ATG2B: variants seen among roughly 807,000 people sequenced by gnomAD.
ATG2B encodes autophagy related 2B, also known as autophagy-related protein 2 homolog B.
ATG2B carries 121 observed loss-of-function variants against 241.3 expected under a neutral mutation model. That is an observed-to-expected ratio of 0.50 (90% CI 0.43 to 0.58). The LOEUF is 0.58. ATG2B is among the 20% of genes least tolerant of loss of function. The pLI, the probability that ATG2B is intolerant of heterozygous loss-of-function variation, is 0.00. For missense variants in ATG2B, 2,306 were observed against 2,491.6 expected (o/e 0.93, Z 1.59); for synonymous variants, 858 against 876.6 (o/e 0.98, Z 0.37).
At chr14:96,306,177 GT>G (rs1595300736) in intron 30 of ATG2B, among the ~76,000 whole-genome samples, 3 of 152,230 alleles carry the variant, frequency 2.0e-5, no homozygotes, top group African/African-American at 4.8e-5. Context: ...ATATTACCAT[GT>G]TTTTAATAAT....
intron 36 of ATG2B, chr14:96,293,340 C>T (rs149103595): frequency 1.9e-4 from 26 of 136,044 alleles, no homozygotes; most frequent in African/African-American, 7.4e-4. Flanking sequence ...CAATACTCTC[C>T]TTTCTCACTT....
At chr14:96,323,401 C>T (rs1390490494) in intron 16 of ATG2B, among the ~76,000 whole-genome samples, 1 of 152,156 alleles carries the variant, frequency 6.6e-6, no homozygotes, top group Non-Finnish European at 1.5e-5. Flanking sequence ...TTACCACATC[C>T]ACCCATTGTT....
At chr14:96,295,605 C>G in intron 34 of ATG2B, 45 bp from the exon 35 acceptor site, 1 of 1,301,344 alleles carries the variant, frequency 7.7e-7, no homozygotes, top group East Asian at 2.3e-5. Flanking sequence ...AAAAGAATCA[C>G]CTATTTCTAA....
chr14:96,309,563 C>T lies in ATG2B; in HGVS notation c.4193G>A (p.Gly1398Asp). Reference sequence around the variant, plus strand: ...TTGATCTGCTTCAGGAAGTACTGGACCACGTGAGGATGATCGACCACTGGA... The same window carrying T: ...TTGATCTGCTTCAGGAAGTACTGGATCACGTGAGGATGATCGACCACTGGA... ...VDSSGRSSSR[G>D]PVLPEADQQM... The change falls in exon 29 of 42, where the codon GGT (glycine) becomes GAT (aspartate). Residue 1398 changes from glycine (G) to aspartate (D), a missense_variant. Transcript: ENST00000359933. 1 of 1,613,806 alleles carries T rather than the reference C, an allele frequency of 6.2e-7. No homozygotes were observed.
At chr14:96,349,623 AAAAG>A (rs564814137) in intron 1 of ATG2B, among the ~76,000 whole-genome samples, 420 of 152,344 alleles carry the variant, frequency 2.8e-3, no homozygotes, top group Middle Eastern at 0.017. Flanking sequence ...CATGAGGGGT[AAAAG>A]AAAGAAAGAA....
intron 11 of ATG2B, among the ~76,000 whole-genome samples, chr14:96,331,037 G>A (rs1213987766): frequency 1.3e-5 from 2 of 152,186 alleles, no homozygotes; most frequent in Non-Finnish European, 2.9e-5. Flanking sequence ...GTGACAATAA[G>A]AACTGTTTTC....
intron 38 of ATG2B, 118 bp from the exon 39 acceptor site, chr14:96,291,053 G>A: frequency 2.7e-5 from 22 of 817,298 alleles, no homozygotes; most frequent in South Asian, 9.1e-5. Flanking sequence ...AAATATTACA[G>A]GTGCTTCAAA....
rs143754335 is a variant in ATG2B, at chr14:96,357,330, T to A, written c.162+5485A>T. Among the ~76,000 whole-genome samples the A allele has an allele frequency of 5.2e-4, 79 of 152,334 alleles. 1 individual carries two copies. Among genetic ancestry groups the A allele is most frequent in the Middle Eastern group, 3.4e-3 (1 of 294 alleles). ...GCCTTTTTTGTTTCTCAAGCTGATC[T>A]ACTTACTACCCACGCACTTTGTGCA... On this transcript the variant is annotated intron_variant, in intron 1 of 41. Coordinates refer to ENST00000359933, the MANE Select transcript of ATG2B (RefSeq NM_018036.7).
In ATG2B at chr14:96,290,778, TA is replaced by T; in HGVS notation, c.5701+35del. 6.3e-7 allele frequency: 1 copy of T among 1,589,000 alleles called. No individual in the cohort carries two copies. The highest frequency in any genetic ancestry group is 8.5e-7 in the Non-Finnish European group (1 of 1,170,814). On this transcript the variant is annotated intron_variant, in intron 39 of 41. Coordinates refer to ENST00000359933, the MANE Select transcript of ATG2B (RefSeq NM_018036.7). This position sits in a 1 kb window ranked among gnomAD's most constrained non-coding sequence, Gnocchi z 4.4. ...GATAAGAATTACTCATCTGAAAAAA[TA>T]ACTTATCTTTTGATTAAAAAAGAAG...
chr14:96,286,013 G>T, intron 41 of ATG2B, 28 bp from the exon 42 acceptor site: 1 of 1,575,208 alleles, frequency 6.3e-7, no homozygotes, highest in South Asian at 1.1e-5. Context: ...GTAGGAGAGA[G>T]GAGGGCAGTG....
At chr14:96,323,623 G>A (rs1887513654) in intron 16 of ATG2B, among the ~76,000 whole-genome samples, 1 of 152,208 alleles carries the variant, frequency 6.6e-6, no homozygotes, top group Non-Finnish European at 1.5e-5. Context: ...ATTACCAGGT[G>A]TGTATGAGCA....
Position 96,285,979 on chromosome 14 carries a change from T to C in ATG2B, c.6013A>G (p.Thr2005Ala), listed in dbSNP as rs769750387. The change falls in exon 42 of 42, where the codon ACA becomes GCA. Residue 2005 changes from threonine to alanine, a missense_variant. This residue lies in a region of ATG2B where 379 missense variants were observed against 480.4 expected (regional missense o/e 0.79). Transcript: ENST00000359933. This position sits in a 1 kb window ranked among gnomAD's most constrained non-coding sequence, Gnocchi z 4.2. ...KAYSVVKEGI[T>A]DTAQTIYETA... ...TCATAAATGGTCTGAGCCGTGTCTGTGATTCCCTGCGTAGAGGAGGGAGGT... is the reference window on the plus strand; with the variant it reads ...TCATAAATGGTCTGAGCCGTGTCTGCGATTCCCTGCGTAGAGGAGGGAGGT... 6.2e-7 allele frequency: 1 copy of C among 1,611,896 alleles called. No individual in the cohort carries two copies. The highest frequency in any genetic ancestry group is 1.1e-5 in the South Asian group (1 of 90,680).
intron 1 of ATG2B, among the ~76,000 whole-genome samples, chr14:96,356,893 T>C (rs968405483): frequency 6.6e-6 from 1 of 152,172 alleles, no homozygotes; most frequent in South Asian, 2.1e-4. Flanking sequence ...AGTAAAATAA[T>C]GTATGTAAAA....
chr14:96,287,393 C>T (rs1886368403), intron 41 of ATG2B, among the ~76,000 whole-genome samples: 2 of 152,056 alleles, frequency 1.3e-5, no homozygotes, highest in Admixed American at 1.3e-4. Context: ...TTCCCTGCAC[C>T]ATCTCCCTCC....
At chr14:96,343,092 G>A in intron 5 of ATG2B, 27 bp downstream of exon 5, 2 of 1,487,886 alleles carry the variant, frequency 1.3e-6, no homozygotes, top group South Asian at 2.8e-5. Flanking sequence ...CTATGATTAT[G>A]GTTTTAGGGT....
chr14:96,295,478 A>G lies in ATG2B; in HGVS notation c.5218+4T>C, dbSNP rs1886611711. The G allele has an allele frequency of 1.5e-5, 24 of 1,581,660 alleles. No individual in the cohort carries two copies. Among genetic ancestry groups the G allele is most frequent in the Non-Finnish European group, 2.1e-5 (24 of 1,163,854 alleles). On this transcript the variant is annotated splice_donor_region_variant and intron_variant, in intron 35 of 41. Transcript: ENST00000359933. ...TAGTCTTTTCAACTATACATATTTA[A>G]TACCTTCTGGATCTGGAGTCATTTG...
At chr14:96,308,219 A>C (rs1359551333) in intron 29 of ATG2B, among the ~76,000 whole-genome samples, 2 of 74,036 alleles carry the variant, frequency 2.7e-5, no homozygotes, top group Admixed American at 1.8e-4. Context: ...TAAATACATA[A>C]ATATATATAT....
At chr14:96,304,470 AT>A in intron 32 of ATG2B, 24 bp downstream of exon 32, 1 of 1,580,802 alleles carries the variant, frequency 6.3e-7, no homozygotes, top group Middle Eastern at 1.7e-4. Context: ...ACTTAAGTGG[AT>A]TTTTCCTTCA....
At chr14:96,354,299 C>A (rs183776466) in intron 1 of ATG2B, among the ~76,000 whole-genome samples, 1 of 152,226 alleles carries the variant, frequency 6.6e-6, no homozygotes, top group Non-Finnish European at 1.5e-5. Flanking sequence ...CACCCTCTGA[C>A]AGGCCACAGT....
Sources: gnomAD v4.1 joint callset for allele counts (sites outside exome capture counted in the v4.1 genomes callset) on GRCh38, gnomAD v4.1.1 for gene constraint, gnomAD v4.1.1 regional missense constraint, Gnocchi (gnomAD v3.1) non-coding constraint, MANE v1.5 for transcripts, NCBI Gene and HGNC (gene_info 2026-07-23, HGNC 2026-07-21) for gene names.